Variants in RANBP6 observed in about 807,000 individuals in gnomAD.
RANBP6 encodes ran-binding protein 6.
Under a neutral mutation model 35.3 loss-of-function variants are expected in RANBP6, and 10 were observed. The ratio of observed to expected loss-of-function variants is 0.28; its 90% CI spans 0.17 to 0.48. The LOEUF (loss-of-function observed/expected upper bound fraction) is 0.48, where lower values mean the gene tolerates loss of function less well. Among genes scored for constraint, RANBP6 ranks in the 20% least tolerant of loss-of-function variants. RANBP6 has a pLI of 0.99. For synonymous variants in RANBP6, 514 were observed against 464.2 expected (o/e 1.11, Z -1.38); for missense variants, 1,392 against 1,307.7 (o/e 1.06, Z -0.99).
chr9:6,014,936 G>C lies in RANBP6; in HGVS notation c.672C>G (p.Asp224Glu). Residue 224 changes from aspartate (D) to glutamate (E), a missense_variant, in exon 1 of 1, where the codon GAC becomes GAG. Physicochemically the swap from Asp to Glu is conservative, Grantham distance 45. Transcript: ENST00000259569. ...CAGCCTGTAAGATTCCAGGAAGCAA[G>C]TCTGCAAAGTCTTTGAAAAGAGCAA... Reference protein sequence around the residue: ...NNIALFKDFADLLPGILQAVN... With the variant: ...NNIALFKDFAELLPGILQAVN... 6.2e-7 allele frequency: 1 copy of C among 1,614,158 alleles called. No individual in the cohort carries two copies. The highest frequency in any genetic ancestry group is 8.5e-7 in the Non-Finnish European group (1 of 1,180,020).
Position 6,013,569 on chromosome 9 carries a change from G to T in RANBP6, c.2039C>A (p.Thr680Asn), listed in dbSNP as rs781060213. Residue 680 changes from threonine to asparagine, a missense_variant, in exon 1 of 1, where the codon ACT becomes AAT. Coordinates refer to ENST00000259569, the MANE Select transcript of RANBP6 (RefSeq NM_012416.4). ...AGTTGCTTTTGCTTCAAGTCCTGAA[G>T]TTTTAATTCCAAAACTCTGCTGGTC... Reference protein sequence around the residue: ...LGDQQSFGIKTSGLEAKATAC... With the variant: ...LGDQQSFGIKNSGLEAKATAC... 4.3e-6 allele frequency: 7 copies of T among 1,614,082 alleles called. No individual in the cohort carries two copies. The East Asian group carries it at 1.6e-4, about 36-fold the overall frequency.
rs1168932197 is a variant in RANBP6, at chr9:6,012,887, T to C, written c.2721A>G (p.Ser907=). Residue 907 remains serine (S), a synonymous_variant, in exon 1 of 1, where the codon TCA becomes TCG. Coordinates refer to ENST00000259569, the MANE Select transcript of RANBP6 (RefSeq NM_012416.4). ...DDIIEHCSPT[S]FKYVEYFRWP... ...ACCGAAAATATTCTACATATTTAAA[T>C]GAAGTTGGACTGCAGTGCTCTATGA... is the stretch of plus-strand genomic sequence containing the variant. 1.2e-6 allele frequency: 2 copies of C among 1,614,038 alleles called. No homozygotes were observed. Among genetic ancestry groups the C allele is most frequent in the African/African-American group, 2.7e-5 (2 of 74,952 alleles).
At position 6,013,899 on chromosome 9, in the gene RANBP6, C is replaced by A; in HGVS notation, c.1709G>T (p.Ser570Ile). ...CTTCCCAACAGCAAGACCAATATGGCTAATGCACTCGATAGTTTTTCCTCT... is the reference window on the plus strand; with the variant it reads ...CTTCCCAACAGCAAGACCAATATGGATAATGCACTCGATAGTTTTTCCTCT... The part of the protein sequence containing the change: ...LLRGKTIECI[S>I]HIGLAVGKEK... The change falls in exon 1 of 1, where the codon AGC becomes ATC. Residue 570 changes from serine (S) to isoleucine (I), a missense_variant. Ser to Ile is a moderately radical substitution (Grantham distance 142, BLOSUM62 -2). Transcript: ENST00000259569. 2.5e-6 allele frequency: 4 copies of A among 1,613,966 alleles called. No individual in the cohort carries two copies. Among genetic ancestry groups the A allele is most frequent in the Non-Finnish European group, 3.4e-6 (4 of 1,179,972 alleles).
chr9:6,013,897 G>T lies in RANBP6; in HGVS notation c.1711C>A (p.His571Asn). The change falls in exon 1 of 1, where the codon CAT (histidine) becomes AAT (asparagine). Residue 571 changes from histidine to asparagine, a missense_variant. Transcript: ENST00000259569. Reference protein sequence around the residue: ...LRGKTIECISHIGLAVGKEKF... With the variant: ...LRGKTIECISNIGLAVGKEKF... ...TCCTTCCCAACAGCAAGACCAATAT[G>T]GCTAATGCACTCGATAGTTTTTCCT... 6.2e-7 allele frequency: 1 copy of T among 1,613,958 alleles called. No homozygotes were observed. Among genetic ancestry groups the T allele is most frequent in the Non-Finnish European group, 8.5e-7 (1 of 1,179,974 alleles).
rs761085533 is a variant in RANBP6 at position 6,014,900 on chromosome 9, T to C, written c.708A>G (p.Ser236=). 6.2e-6 allele frequency: 10 copies of C among 1,614,026 alleles called. No homozygotes were observed. The highest frequency in any genetic ancestry group is 1.3e-5 in the African/African-American group (1 of 74,932). The change falls in exon 1 of 1, where the codon TCA becomes TCG. Residue 236 remains serine (S), a synonymous_variant. Transcript: ENST00000259569. ...LPGILQAVND[S]CYQDDDSVLE... Reference sequence around the variant, plus strand: ...GCACTGAATCATCATCCTGGTAGCATGAGTCATTCACAGCCTGTAAGATTC... The same window carrying C: ...GCACTGAATCATCATCCTGGTAGCACGAGTCATTCACAGCCTGTAAGATTC...
rs750960958 is a variant in RANBP6 at position 6,013,869 on chromosome 9, T to G, written c.1739A>C (p.Lys580Thr). 8.7e-6 allele frequency: 14 copies of G among 1,613,808 alleles called. No homozygotes were observed. The highest frequency in any genetic ancestry group is 1.2e-5 in the Non-Finnish European group (14 of 1,179,952). Residue 580 changes from lysine (K) to threonine (T), a missense_variant, in exon 1 of 1, where the codon AAA (lysine) becomes ACA (threonine). Lys to Thr is a moderately conservative substitution (Grantham distance 78, BLOSUM62 -1). Coordinates refer to ENST00000259569, the MANE Select transcript of RANBP6 (RefSeq NM_012416.4). ...CACATTTGATGCATCTTGCATAAAT[T>G]TTTCCTTCCCAACAGCAAGACCAAT... is the stretch of plus-strand genomic sequence containing the variant. ...SHIGLAVGKEKFMQDASNVMQ... is the reference protein window; with the variant it reads ...SHIGLAVGKETFMQDASNVMQ...
rs779940689 is a variant in RANBP6 at position 6,015,623 on chromosome 9, C to T, written c.-16G>A. The stretch of plus-strand genomic sequence containing the variant: ...TTGCCGCCATTGCGCTCTGTCAAAG[C>T]TACCGCGACCGGGAAGGAGGGAGGG... On this transcript the variant is annotated 5_prime_UTR_variant, in exon 1 of 1. Transcript: ENST00000259569. 1.9e-6 allele frequency: 3 copies of T among 1,567,166 alleles called. No individual in the cohort carries two copies. Among genetic ancestry groups the T allele is most frequent in the Admixed American group, 1.8e-5 (1 of 55,034 alleles).
chr9:6,015,618 C>G lies in RANBP6; in HGVS notation c.-11G>C, dbSNP rs1300691102. On this transcript the variant is annotated 5_prime_UTR_variant, in exon 1 of 1. Coordinates refer to ENST00000259569, the MANE Select transcript of RANBP6 (RefSeq NM_012416.4). ...CGCGGTTGCCGCCATTGCGCTCTGTCAAAGCTACCGCGACCGGGAAGGAGG... is the reference window on the plus strand; with the variant it reads ...CGCGGTTGCCGCCATTGCGCTCTGTGAAAGCTACCGCGACCGGGAAGGAGG... The G allele has an allele frequency of 9.5e-6, 15 of 1,575,448 alleles. No individual in the cohort carries two copies. Among genetic ancestry groups the G allele is most frequent in the Non-Finnish European group, 1.3e-5 (15 of 1,167,810 alleles).
rs1436168966 is a variant in RANBP6 at position 6,012,782 on chromosome 9, C to T, written c.2826G>A (p.Gln942=). 9.9e-6 allele frequency: 16 copies of T among 1,614,078 alleles called. No individual in the cohort carries two copies. The highest frequency in any genetic ancestry group is 1.2e-5 in the Non-Finnish European group (14 of 1,180,042). The change falls in exon 1 of 1, where the codon CAG becomes CAA. Residue 942 remains glutamine, a synonymous_variant. Coordinates refer to ENST00000259569, the MANE Select transcript of RANBP6 (RefSeq NM_012416.4). ...AAGAACGATAATCATCTCCACCAAA[C>T]TGTGCCATGACACCCAGGCCATAAG... The part of the protein sequence containing the change: ...AAAYGLGVMA[Q]FGGDDYRSLC...
rs1842519517 is a variant in RANBP6 at position 6,013,688 on chromosome 9, C to G, written c.1920G>C (p.Lys640Asn). The G allele has an allele frequency of 1.2e-6, 2 of 1,614,114 alleles. No individual in the cohort carries two copies. The highest frequency in any genetic ancestry group is 1.7e-6 in the Non-Finnish European group (2 of 1,180,014). The change falls in exon 1 of 1, where the codon AAG (lysine) becomes AAC (asparagine). Residue 640 changes from lysine (K) to asparagine (N), a missense_variant. Transcript: ENST00000259569. ...CAACATCAGGTTTAGCTGAAGCAGTCTTAATAAGAGGCTCGATAACCAGTG... is the reference window on the plus strand; with the variant it reads ...CAACATCAGGTTTAGCTGAAGCAGTGTTAATAAGAGGCTCGATAACCAGTG... ...YLPLVIEPLI[K>N]TASAKPDVAL...
chr9:6,012,783 T>C lies in RANBP6; in HGVS notation c.2825A>G (p.Gln942Arg). The C allele has an allele frequency of 6.2e-7, 1 of 1,614,208 alleles. No individual in the cohort carries two copies. The highest frequency in any genetic ancestry group is 8.5e-7 in the Non-Finnish European group (1 of 1,180,024). ...AAAYGLGVMA[Q>R]FGGDDYRSLC... ...AGAACGATAATCATCTCCACCAAACTGTGCCATGACACCCAGGCCATAAGC... is the reference window on the plus strand; with the variant it reads ...AGAACGATAATCATCTCCACCAAACCGTGCCATGACACCCAGGCCATAAGC... The change falls in exon 1 of 1, where the codon CAG (glutamine) becomes CGG (arginine). Residue 942 changes from glutamine to arginine, a missense_variant. Transcript: ENST00000259569.
rs746176018 is a variant in RANBP6, at chr9:6,012,372, G to T, written c.3236C>A (p.Ser1079Tyr). The change falls in exon 1 of 1, where the codon TCT becomes TAT. Residue 1079 changes from serine to tyrosine, a missense_variant. By Grantham distance (144) the Ser-to-Tyr change is moderately radical. Transcript: ENST00000259569. ...TACACATTCCAACCATAAATCTTCA[G>T]AAGTCTGTACCTGACGCACGACATT... Reference protein sequence around the residue: ...LANVVRQVQTSEDLWLECVSQ... With the variant: ...LANVVRQVQTYEDLWLECVSQ... 2 of 1,612,646 alleles carry T rather than the reference G, an allele frequency of 1.2e-6. No individual in the cohort carries two copies. The highest frequency in any genetic ancestry group is 2.2e-5 in the East Asian group (1 of 44,878).
rs772350119 is a variant in RANBP6 at position 6,012,843 on chromosome 9, A to G, written c.2765T>C (p.Met922Thr). 10 of 1,614,092 alleles carry G rather than the reference A, an allele frequency of 6.2e-6. 1 individual carries two copies. In the Admixed American group the frequency reaches 1.0e-4, roughly 16 times the overall value. The change falls in exon 1 of 1, where the codon ATG becomes ACG. Residue 922 changes from methionine to threonine, a missense_variant. Physicochemically the swap from Met to Thr is moderately conservative, Grantham distance 81. Transcript: ENST00000259569. ...CCTGACTTCAGGGTTGTTATCTCGC[A>G]TATTTAGTAGCATTGGCCACCGAAA... ...EYFRWPMLLN[M>T]RDNNPEVRQA...
Position 6,014,392 on chromosome 9 carries a change from C to G in RANBP6, c.1216G>C (p.Asp406His). The change falls in exon 1 of 1, where the codon GAT becomes CAT. Residue 406 changes from aspartate (D) to histidine (H), a missense_variant. Transcript: ENST00000259569. ...GCHQQMESIL[D>H]ETVNSVLLFL... The stretch of plus-strand genomic sequence containing the variant: ...AGCAAAACGGAGTTAACTGTTTCAT[C>G]TAGAATTGATTCCATTTGTTGATGG... 6.2e-7 allele frequency: 1 copy of G among 1,614,162 alleles called. No homozygotes were observed. The highest frequency in any genetic ancestry group is 8.5e-7 in the Non-Finnish European group (1 of 1,179,984).
At position 6,014,070 on chromosome 9, in the gene RANBP6, G is replaced by A. The variant is rs765559083; in HGVS notation, c.1538C>T (p.Thr513Ile). ...CACAAGTTGTTCCAAAGCCAACTTAGTTCCATTCCGAATCAACTCTTGAAG... is the reference window on the plus strand; with the variant it reads ...CACAAGTTGTTCCAAAGCCAACTTAATTCCATTCCGAATCAACTCTTGAAG... ...IKLQELIRNG[T>I]KLALEQLVTT... Residue 513 changes from threonine to isoleucine, a missense_variant, in exon 1 of 1, where the codon ACT becomes ATT. Physicochemically the swap from Thr to Ile is moderately conservative, Grantham distance 89. Transcript: ENST00000259569. The A allele has an allele frequency of 1.2e-6, 2 of 1,613,960 alleles. No homozygotes were observed. Among genetic ancestry groups the A allele is most frequent in the Non-Finnish European group, 1.7e-6 (2 of 1,179,992 alleles).
At position 6,012,470 on chromosome 9, in the gene RANBP6, T is replaced by A. The variant is rs781751156; in HGVS notation, c.3138A>T (p.Ile1046=). Residue 1046 remains isoleucine (I), a synonymous_variant, in exon 1 of 1, where the codon ATA becomes ATT. Coordinates refer to ENST00000259569, the MANE Select transcript of RANBP6 (RefSeq NM_012416.4). ...IGPNNSNLPK[I]ISIIAEGKIN... ...TTTTTCCTTCTGCAATTATACTGATTATTTTGGGAAGATTGGAATTATTTG... is the reference window on the plus strand; with the variant it reads ...TTTTTCCTTCTGCAATTATACTGATAATTTTGGGAAGATTGGAATTATTTG... The A allele has an allele frequency of 6.2e-7, 1 of 1,612,044 alleles. No individual in the cohort carries two copies. The highest frequency in any genetic ancestry group is 1.7e-5 in the Admixed American group (1 of 59,456).
In RANBP6 at chr9:6,014,800, T is replaced by G. The variant is rs1296832503; in HGVS notation, c.808A>C (p.Ser270Arg). Residue 270 changes from serine to arginine, a missense_variant, in exon 1 of 1, where the codon AGT becomes CGT. Ser to Arg is a moderately radical substitution (Grantham distance 110). Coordinates refer to ENST00000259569, the MANE Select transcript of RANBP6 (RefSeq NM_012416.4). ...GPYLEDTLQL[S>R]LKLCGDSRLS... ...CTAGAGTCTCCACATAACTTCAAAC[T>G]CAACTGTAGAGTATCTTCTAAATAA... 6 of 1,614,046 alleles carry G rather than the reference T, an allele frequency of 3.7e-6. No individual in the cohort carries two copies. Among genetic ancestry groups the G allele is most frequent in the Non-Finnish European group, 5.1e-6 (6 of 1,180,048 alleles).
rs767941078 is a variant in RANBP6 at position 6,014,777 on chromosome 9, A to G, written c.831T>C (p.Ser277=). The G allele has an allele frequency of 6.2e-7, 1 of 1,614,072 alleles. No homozygotes were observed. Among genetic ancestry groups the G allele is most frequent in the Admixed American group, 1.7e-5 (1 of 60,004 alleles). The change falls in exon 1 of 1, where the codon TCT becomes TCC. Residue 277 remains serine (S), a synonymous_variant. Coordinates refer to ENST00000259569, the MANE Select transcript of RANBP6 (RefSeq NM_012416.4). ...GCTGGCGCTGCAGATTACTAAGCCT[A>G]GAGTCTCCACATAACTTCAAACTCA... The part of the protein sequence containing the change: ...LQLSLKLCGD[S]RLSNLQRQLA...
Position 6,014,391 on chromosome 9 carries a change from T to A in RANBP6, c.1217A>T (p.Asp406Val), listed in dbSNP as rs749771234. The change falls in exon 1 of 1, where the codon GAT becomes GTT. Residue 406 changes from aspartate (D) to valine (V), a missense_variant. Transcript: ENST00000259569. ...GCHQQMESIL[D>V]ETVNSVLLFL... ...AAGCAAAACGGAGTTAACTGTTTCA[T>A]CTAGAATTGATTCCATTTGTTGATG... 1.2e-6 allele frequency: 2 copies of A among 1,614,084 alleles called. No homozygotes were observed. The highest frequency in any genetic ancestry group is 1.7e-5 in the Admixed American group (1 of 60,006).
Sources: gnomAD v4.1 joint callset for allele counts on GRCh38, gnomAD v4.1.1 for gene constraint, MANE v1.5 for transcripts, NCBI Gene and HGNC (gene_info 2026-07-23, HGNC 2026-07-21) for gene names.